EPSTI1: variants seen among roughly 807,000 people sequenced by gnomAD.
EPSTI1 encodes the protein epithelial-stromal interaction protein 1.
EPSTI1 carries 66 observed loss-of-function variants against 49.9 expected under a neutral mutation model. The observed-to-expected ratio is 1.32, with a 90% CI of 1.08 to 1.62. The LOEUF is 1.62. Among genes scored for constraint, EPSTI1 ranks in the 40% most tolerant of loss-of-function variants. EPSTI1 has a pLI of 0.00. For synonymous variants in EPSTI1, 137 were observed against 130.7 expected (o/e 1.05, Z -0.33); for missense variants, 394 against 365.5 (o/e 1.08, Z -0.64).
chr13:42,913,436 G>C (rs2037742997), intron 8 of EPSTI1, among the ~76,000 whole-genome samples: 1 of 152,126 alleles, frequency 6.6e-6, no homozygotes, highest in African/African-American at 2.4e-5. Context: ...AAGAAATCAA[G>C]CTAAAAAATC....
At chr13:42,976,137 A>C (rs1318544692) in intron 1 of EPSTI1, among the ~76,000 whole-genome samples, 1 of 152,214 alleles carries the variant, frequency 6.6e-6, no homozygotes, top group Non-Finnish European at 1.5e-5. Flanking sequence ...ATCAGAGTCA[A>C]AGACTTTATT....
intron 8 of EPSTI1, among the ~76,000 whole-genome samples, chr13:42,912,110 G>A (rs2037704112): frequency 6.6e-6 from 1 of 152,136 alleles, no homozygotes; most frequent in African/African-American, 2.4e-5. Context: ...CAATAACCAT[G>A]CACAATCAAT....
At position 42,956,112 on chromosome 13, in the gene EPSTI1, A is replaced by G. The variant is rs2039263631; in HGVS notation, c.490-2091T>C. 2.0e-5 allele frequency among the ~76,000 whole-genome samples: 3 copies of G among 152,352 alleles called. No individual in the cohort carries two copies. In the South Asian group the frequency reaches 6.2e-4, roughly 32 times the overall value. On this transcript the variant is annotated intron_variant, in intron 5 of 10. Transcript: ENST00000313624. ...ATTAGGGGACAGCAGTTTGCAAATAACAGTAAGAATGCAGAAAAAGCACTT... is the reference window on the plus strand; with the variant it reads ...ATTAGGGGACAGCAGTTTGCAAATAGCAGTAAGAATGCAGAAAAAGCACTT...
In EPSTI1 at chr13:42,992,132, G is replaced by C; in HGVS notation, c.34C>G (p.Leu12Val). ...NTRNRVVNSG[L>V]GASPASRPTR... is the part of the protein sequence containing the mutation. ...GGGCGGGAGGCAGGGGAGGCGCCGAGCCCGGAGTTCACCACTCTATTGCGG... is the reference window on the plus strand; with the variant it reads ...GGGCGGGAGGCAGGGGAGGCGCCGACCCCGGAGTTCACCACTCTATTGCGG... Residue 12 changes from leucine (L) to valine (V), a missense_variant, in exon 1 of 11, where the codon CTC becomes GTC. By Grantham distance (32) the Leu-to-Val change is conservative. Transcript: ENST00000313624. 1 of 1,606,340 alleles carries C rather than the reference G, an allele frequency of 6.2e-7. No homozygotes were observed. The highest frequency in any genetic ancestry group is 1.3e-5 in the African/African-American group (1 of 74,780).
intron 8 of EPSTI1, among the ~76,000 whole-genome samples, chr13:42,907,840 A>G (rs2037540353): frequency 6.6e-6 from 1 of 152,218 alleles, no homozygotes; most frequent in South Asian, 2.1e-4. Context: ...AACATTAGCC[A>G]TCTCTGCTTT....
At chr13:42,949,328 G>A (rs894486391) in intron 6 of EPSTI1, among the ~76,000 whole-genome samples, 1 of 152,098 alleles carries the variant, frequency 6.6e-6, no homozygotes, top group African/African-American at 2.4e-5. Flanking sequence ...CGTGGCTCAC[G>A]CCTGTAATCC....
chr13:42,920,127 CTTAT>C (rs1347803073), intron 7 of EPSTI1, among the ~76,000 whole-genome samples: 1 of 152,154 alleles, frequency 6.6e-6, no homozygotes, highest in Non-Finnish European at 1.5e-5. Context: ...CTCATTTTAA[CTTAT>C]TTCCTCTGTA....
intron 10 of EPSTI1, 89 bp from the exon 11 acceptor site, chr13:42,888,591 G>C: frequency 7.5e-7 from 1 of 1,341,090 alleles, no homozygotes; most frequent in Non-Finnish European, 1.0e-6. Context: ...TGCAAAGAAC[G>C]CTCTTATGCA....
intron 6 of EPSTI1, among the ~76,000 whole-genome samples, chr13:42,946,004 C>A (rs1012962010): frequency 6.6e-6 from 1 of 152,096 alleles, no homozygotes; most frequent in Non-Finnish European, 1.5e-5. Context: ...ATTCACCTTA[C>A]CTGGATTATA....
intron 2 of EPSTI1, chr13:42,969,400 CGAATT>C: frequency 2.1e-6 from 1 of 474,550 alleles, no homozygotes; most frequent in Non-Finnish European, 3.7e-6. Flanking sequence ...ACAGAGGGTT[CGAATT>C]TGAAAAACCA....
chr13:42,908,665 G>A (rs1366754527), intron 8 of EPSTI1, among the ~76,000 whole-genome samples: 1 of 152,018 alleles, frequency 6.6e-6, no homozygotes, highest in African/African-American at 2.4e-5. Flanking sequence ...GCAGACTAAA[G>A]AGACAATCTA....
intron 6 of EPSTI1, among the ~76,000 whole-genome samples, chr13:42,939,638 G>A (rs911842098): frequency 6.6e-6 from 1 of 152,048 alleles, no homozygotes; most frequent in Non-Finnish European, 1.5e-5. Flanking sequence ...GGGTTTGTGG[G>A]TCCCCAAAAC....
At chr13:42,919,193 C>T in intron 7 of EPSTI1, 4 of 974,880 alleles carry the variant, frequency 4.1e-6, no homozygotes, top group South Asian at 3.1e-5. Context: ...TATTAAATAC[C>T]TTATTATTAA....
At chr13:42,980,505 G>A (rs1272624906) in intron 1 of EPSTI1, among the ~76,000 whole-genome samples, 3 of 152,188 alleles carry the variant, frequency 2.0e-5, no homozygotes, top group South Asian at 2.1e-4. Flanking sequence ...AAGAGAGCAC[G>A]TGCAGAGGAA....
intron 1 of EPSTI1, among the ~76,000 whole-genome samples, chr13:42,974,752 T>A (rs2039848395): frequency 6.6e-6 from 1 of 152,202 alleles, no homozygotes; most frequent in Non-Finnish European, 1.5e-5. Flanking sequence ...TAACTTTTTA[T>A]CAATAAGTAC....
At chr13:42,917,686 C>T (rs1264068750) in intron 7 of EPSTI1, 62 bp from the exon 8 acceptor site, 1 of 1,260,436 alleles carries the variant, frequency 7.9e-7, no homozygotes, top group Non-Finnish European at 1.1e-6. Flanking sequence ...AGGGTTGTCA[C>T]AGTACACCAA....
chr13:42,889,821 C>T (rs1235426040), intron 10 of EPSTI1, among the ~76,000 whole-genome samples: 1 of 152,008 alleles, frequency 6.6e-6, no homozygotes, highest in East Asian at 1.9e-4. Context: ...GTTGTTTATA[C>T]CTTGGGTCTT....
At chr13:42,910,909 G>A (rs1468854457) in intron 8 of EPSTI1, among the ~76,000 whole-genome samples, 1 of 152,072 alleles carries the variant, frequency 6.6e-6, no homozygotes, top group Non-Finnish European at 1.5e-5. Context: ...GTTGGTTATT[G>A]GTTTAGAAGA....
At chr13:42,942,297 C>A (rs1268742784) in intron 6 of EPSTI1, among the ~76,000 whole-genome samples, 1 of 152,090 alleles carries the variant, frequency 6.6e-6, no homozygotes, top group Non-Finnish European at 1.5e-5. Flanking sequence ...AGCCTGTATA[C>A]ATTTTTTGTG....
Sources: gnomAD v4.1 joint callset for allele counts (sites outside exome capture counted in the v4.1 genomes callset) on GRCh38, gnomAD v4.1.1 for gene constraint, MANE v1.5 for transcripts, NCBI Gene and HGNC (gene_info 2026-07-23, HGNC 2026-07-21) for gene names.